The following RFX3 variants were observed in gnomAD, a reference collection of about 807,000 sequenced individuals.
The protein encoded by RFX3 is regulatory factor X3.
A neutral mutation model predicts 98.6 loss-of-function variants in RFX3; 14 were observed. The ratio of observed to expected loss-of-function variants is 0.14; its 90% CI spans 0.09 to 0.22. The LOEUF (loss-of-function observed/expected upper bound fraction) is 0.22. RFX3 is among the 10% of genes least tolerant of loss of function. The pLI is 1.00. For missense variants in RFX3, 639 were observed against 926.9 expected (o/e 0.69, Z 4.03); for synonymous variants, 383 against 328.4 (o/e 1.17, Z -1.80).
intron 1 of RFX3, among the ~76,000 whole-genome samples, chr9:3,453,067 T>C (rs1448670258): frequency 3.9e-5 from 6 of 152,130 alleles, no homozygotes. Flanking sequence ...GGAATAACAG[T>C]ACGCACATCC....
chr9:3,331,822 AG>A (rs1309664199), intron 3 of RFX3, among the ~76,000 whole-genome samples: 1 of 152,156 alleles, frequency 6.6e-6, no homozygotes, highest in East Asian at 1.9e-4. Context: ...ATCTTACATA[AG>A]TTGGTATCAC....
intron 4 of RFX3, among the ~76,000 whole-genome samples, chr9:3,304,550 T>G (rs1452370695): frequency 6.6e-6 from 1 of 151,952 alleles, no homozygotes; most frequent in East Asian, 1.9e-4. Context: ...TTCTAACATG[T>G]TGTGGGAGGG....
Position 3,218,343 on chromosome 9 carries a change from C to T in RFX3, c.*6699G>A, listed in dbSNP as rs1224937756. The T allele has an allele frequency of 6.6e-6, 1 of 152,074 alleles. No individual in the cohort carries two copies. Among genetic ancestry groups the T allele is most frequent in the Non-Finnish European group, 1.5e-5 (1 of 68,006 alleles). The allele number at this position is 152,074 out of a possible 1,614,324, so 9.4% of individuals were successfully genotyped here. On this transcript the variant is annotated 3_prime_UTR_variant, in exon 17 of 17. Transcript: ENST00000617270. Reference sequence around the variant, plus strand: ...TTTATTGATTTTAAAAGACAAGACACCATTTTGTTTTGAAAAACACAAGAA... The same window carrying T: ...TTTATTGATTTTAAAAGACAAGACATCATTTTGTTTTGAAAAACACAAGAA...
At chr9:3,321,012 C>A (rs1175711512) in intron 4 of RFX3, among the ~76,000 whole-genome samples, 1 of 151,824 alleles carries the variant, frequency 6.6e-6, no homozygotes, top group East Asian at 1.9e-4. Context: ...AAGCGATTCT[C>A]CTGCCTCAGC....
At chr9:3,277,835 G>A (rs1337116263) in intron 7 of RFX3, among the ~76,000 whole-genome samples, 1 of 151,918 alleles carries the variant, frequency 6.6e-6, no homozygotes. Context: ...TCTGAACAAT[G>A]ATCTAGGAGC....
chr9:3,467,171 A>ATT (rs1386181175), intron 1 of RFX3, among the ~76,000 whole-genome samples: 7 of 123,260 alleles, frequency 5.7e-5, no homozygotes, highest in Admixed American at 4.0e-4. Context: ...ATACGTATAT[A>ATT]ATGTATATAT....
chr9:3,262,832 CA>C, intron 13 of RFX3, 102 bp downstream of exon 13: 1 of 1,173,034 alleles, frequency 8.5e-7, no homozygotes, highest in Non-Finnish European at 1.2e-6. Context: ...TAGATGCTGC[CA>C]TATATAGATG....
intron 1 of RFX3, among the ~76,000 whole-genome samples, chr9:3,398,097 T>C (rs1243671195): frequency 1.3e-5 from 2 of 152,166 alleles, no homozygotes; most frequent in African/African-American, 4.8e-5. Flanking sequence ...ATCTCACAAA[T>C]GGTGGTTTAT....
At chr9:3,448,672 C>T (rs1846272763) in intron 1 of RFX3, among the ~76,000 whole-genome samples, 2 of 152,134 alleles carry the variant, frequency 1.3e-5, no homozygotes, top group African/African-American at 2.4e-5. Context: ...ATGCATTCTA[C>T]CACATCTGGC....
intron 12 of RFX3, among the ~76,000 whole-genome samples, chr9:3,264,080 C>T (rs1342574692): frequency 6.6e-6 from 1 of 151,980 alleles, no homozygotes; most frequent in Non-Finnish European, 1.5e-5. Context: ...TTTTTTTCAA[C>T]TCTGTTCATA....
chr9:3,257,225 G>A (rs1204484504), intron 13 of RFX3, 26 bp from the exon 14 acceptor site: 2 of 1,607,424 alleles, frequency 1.2e-6, no homozygotes, highest in Admixed American at 1.7e-5. Flanking sequence ...AGAAAGAAAA[G>A]GAAAAGTTCA....
intron 6 of RFX3, among the ~76,000 whole-genome samples, chr9:3,291,297 G>T (rs1313024407): frequency 6.6e-6 from 1 of 152,088 alleles, no homozygotes; most frequent in Non-Finnish European, 1.5e-5. Flanking sequence ...ACTTGAACCC[G>T]GGGGGCAGAG....
chr9:3,341,126 T>C (rs555775038), intron 3 of RFX3, among the ~76,000 whole-genome samples: 100 of 152,034 alleles, frequency 6.6e-4, no homozygotes, highest in African/African-American at 2.3e-3. Flanking sequence ...AAACTGGAAA[T>C]CATCATTCTC....
At position 3,224,795 on chromosome 9, in the gene RFX3, G is replaced by C. The variant is rs1033291319; in HGVS notation, c.*247C>G. 1.6e-5 allele frequency: 6 copies of C among 383,218 alleles called. No individual in the cohort carries two copies. The highest frequency in any genetic ancestry group is 1.0e-4 in the African/African-American group (5 of 48,632). The allele number at this position is 383,218 out of a possible 1,614,324, so 23.7% of individuals were successfully genotyped here. ...AAACAAAACATTGACATTAAGTGTTGTAAAAATCCTTCTTGACACCTGAAA... is the reference window on the plus strand; with the variant it reads ...AAACAAAACATTGACATTAAGTGTTCTAAAAATCCTTCTTGACACCTGAAA... On this transcript the variant is annotated 3_prime_UTR_variant, in exon 17 of 17. Transcript: ENST00000617270.
intron 1 of RFX3, among the ~76,000 whole-genome samples, chr9:3,480,820 G>A (rs1034424356): frequency 7.0e-6 from 1 of 143,548 alleles, no homozygotes; most frequent in African/African-American, 2.8e-5. Flanking sequence ...TTAGAGGAAC[G>A]CTGTAGAATA....
At chr9:3,348,356 C>T (rs1207490488) in intron 2 of RFX3, among the ~76,000 whole-genome samples, 1 of 152,034 alleles carries the variant, frequency 6.6e-6, no homozygotes, top group Non-Finnish European at 1.5e-5. Context: ...TGTTAAGTTT[C>T]ACTAGTGGAG....
intron 1 of RFX3, among the ~76,000 whole-genome samples, chr9:3,407,442 T>C (rs1257983802): frequency 1.3e-5 from 2 of 152,096 alleles, no homozygotes; most frequent in East Asian, 1.9e-4. Flanking sequence ...TAATAATTGA[T>C]AGAACTTAAA....
At chr9:3,297,166 T>G (rs1239520888) in intron 5 of RFX3, among the ~76,000 whole-genome samples, 1 of 152,100 alleles carries the variant, frequency 6.6e-6, no homozygotes, top group Non-Finnish European at 1.5e-5. Context: ...ACAATGTATT[T>G]GGACATTAGT....
At chr9:3,343,169 T>C (rs1834081063) in intron 3 of RFX3, among the ~76,000 whole-genome samples, 1 of 152,186 alleles carries the variant, frequency 6.6e-6, no homozygotes, top group Non-Finnish European at 1.5e-5. Context: ...TCATCACTTC[T>C]TGAGTGAGAC....
Sources: gnomAD v4.1 joint callset for allele counts (sites outside exome capture counted in the v4.1 genomes callset) on GRCh38, gnomAD v4.1.1 for gene constraint, MANE v1.5 for transcripts, NCBI Gene and HGNC (gene_info 2026-07-23, HGNC 2026-07-21) for gene names.